The following NRP1 variants were observed in gnomAD, a reference collection of about 807,000 sequenced individuals.
The protein encoded by NRP1 is neuropilin-1.
In NRP1, 35 loss-of-function variants were observed where a neutral mutation model predicts 106.7. That is an observed-to-expected ratio of 0.33 (90% CI 0.25 to 0.43). NRP1 has a LOEUF of 0.43. NRP1 is among the 20% of genes least tolerant of loss of function. The pLI, the probability that NRP1 is intolerant of heterozygous loss-of-function variation, is 1.00. For synonymous variants in NRP1, 437 were observed against 417.9 expected, an observed-to-expected ratio of 1.05 and a Z score of -0.56; for missense variants, 1,024 against 1,170.4, an observed-to-expected ratio of 0.87 and a Z score of 1.83.
chr10:33,274,415 C>T (rs1417088009), intron 2 of NRP1, among the ~76,000 whole-genome samples: 1 of 152,128 alleles, frequency 6.6e-6, no homozygotes, highest in Non-Finnish European at 1.5e-5. Flanking sequence ...AAGAGCATTA[C>T]CTAGAGATTA....
chr10:33,254,435 A>C (rs1362012861), intron 5 of NRP1, among the ~76,000 whole-genome samples: 1 of 152,210 alleles, frequency 6.6e-6, no homozygotes, highest in African/African-American at 2.4e-5. Context: ...CAAAAAGACT[A>C]TTTGAAATTT....
intron 8 of NRP1, among the ~76,000 whole-genome samples, chr10:33,219,877 C>T (rs1054334963): frequency 2.6e-5 from 4 of 152,106 alleles, no homozygotes; most frequent in African/African-American, 4.8e-5. Context: ...TCCACCCAAA[C>T]CTCAAATGGC....
intron 9 of NRP1, among the ~76,000 whole-genome samples, chr10:33,210,479 A>G (rs758798321): frequency 3.3e-5 from 5 of 152,252 alleles, no homozygotes; most frequent in Non-Finnish European, 5.9e-5. Flanking sequence ...TAAATACATT[A>G]TAAAAGCTGT....
At chr10:33,270,435 T>G (rs1182420242) in intron 3 of NRP1, among the ~76,000 whole-genome samples, 1 of 152,002 alleles carries the variant, frequency 6.6e-6, no homozygotes, top group Non-Finnish European at 1.5e-5. Flanking sequence ...CAAGTGATTC[T>G]CCCGCCTTAG....
At chr10:33,329,394 A>G (rs1158931271) in intron 2 of NRP1, among the ~76,000 whole-genome samples, 1 of 152,184 alleles carries the variant, frequency 6.6e-6, no homozygotes, top group Non-Finnish European at 1.5e-5. Context: ...AAATGACCTC[A>G]TCTCTCTGAC....
chr10:33,322,363 TTTTA>T (rs568788050), intron 2 of NRP1, among the ~76,000 whole-genome samples: 2 of 152,074 alleles, frequency 1.3e-5, no homozygotes, highest in African/African-American at 4.8e-5. Flanking sequence ...TAAGGCAAGT[TTTTA>T]TTTATTTATT....
chr10:33,289,285 C>T (rs1358712018), intron 2 of NRP1, among the ~76,000 whole-genome samples: 2 of 152,138 alleles, frequency 1.3e-5, no homozygotes, highest in South Asian at 4.1e-4. Flanking sequence ...ATGACAACAA[C>T]ATCTCTTCAG....
chr10:33,203,809 C>T lies in NRP1; in HGVS notation c.1760-814G>A, dbSNP rs1386470417. Among the ~76,000 whole-genome samples, 78 of 122,414 alleles carry T rather than the reference C, an allele frequency of 6.4e-4. 13 individuals carry two copies. In the Admixed American group the frequency reaches 6.8e-3, roughly 11 times the overall value. 80.3% of individuals were successfully genotyped at this position (122,414 alleles called of 152,430 possible). On this transcript the variant is annotated intron_variant, in intron 10 of 16. Coordinates refer to ENST00000374867, the MANE Select transcript of NRP1 (RefSeq NM_003873.7). ...ACTGCGGACTGCAGTGGCGCAATCT[C>T]GGCTCACTGCAAGCTCTGCTTCCCG...
At chr10:33,242,182 T>C (rs1841076945) in intron 6 of NRP1, among the ~76,000 whole-genome samples, 2 of 152,296 alleles carry the variant, frequency 1.3e-5, no homozygotes, top group East Asian at 1.9e-4. Context: ...ATGAAGGTCA[T>C]GTAAGATGCT....
At chr10:33,248,701 C>T (rs1841609250) in intron 6 of NRP1, among the ~76,000 whole-genome samples, 1 of 152,008 alleles carries the variant, frequency 6.6e-6, no homozygotes. Context: ...TTAATATCTG[C>T]ACTAGAAAAT....
chr10:33,249,154 A>T (rs1841662145), intron 6 of NRP1, among the ~76,000 whole-genome samples: 1 of 134,120 alleles, frequency 7.5e-6, no homozygotes. Flanking sequence ...TATTTTGAGG[A>T]AAGCACTCCC....
chr10:33,207,919 TA>T (rs1837935160), intron 9 of NRP1, among the ~76,000 whole-genome samples: 1 of 152,126 alleles, frequency 6.6e-6, no homozygotes, highest in Non-Finnish European at 1.5e-5. Flanking sequence ...GGCATTTATT[TA>T]TTTATTCATT....
intron 7 of NRP1, among the ~76,000 whole-genome samples, chr10:33,225,433 G>T (rs930086664): frequency 6.6e-6 from 1 of 152,152 alleles, no homozygotes; most frequent in African/African-American, 2.4e-5. Context: ...TTAATTTCTG[G>T]GAGATGGTGA....
intron 13 of NRP1, among the ~76,000 whole-genome samples, chr10:33,189,304 T>C (rs1248485111): frequency 6.6e-6 from 1 of 152,150 alleles, no homozygotes; most frequent in Non-Finnish European, 1.5e-5. Context: ...TCTAACTGCT[T>C]CCCATACAAA....
At chr10:33,278,927 A>G (rs1156385221) in intron 2 of NRP1, among the ~76,000 whole-genome samples, 1 of 152,334 alleles carries the variant, frequency 6.6e-6, no homozygotes, top group Non-Finnish European at 1.5e-5. Context: ...GAGAGTTTAT[A>G]GTCCCAGGAA....
chr10:33,275,166 G>C (rs1368199288), intron 2 of NRP1, among the ~76,000 whole-genome samples: 1 of 152,164 alleles, frequency 6.6e-6, no homozygotes, highest in African/African-American at 2.4e-5. Context: ...TTCTAATCAT[G>C]ATGTATGAAA....
chr10:33,185,515 G>A (rs1339063835), intron 15 of NRP1, 113 bp downstream of exon 15: 7 of 750,120 alleles, frequency 9.3e-6, no homozygotes, highest in Middle Eastern at 2.5e-4. Flanking sequence ...ATGATGTGCC[G>A]AGAGGCCACA....
intron 15 of NRP1, 94 bp downstream of exon 15, chr10:33,185,534 C>A: frequency 1.1e-6 from 1 of 930,056 alleles, no homozygotes; most frequent in South Asian, 1.5e-5. Context: ...CACCGAAATT[C>A]TAGGTAGAAA....
chr10:33,207,406 T>C (rs61760420), intron 10 of NRP1, among the ~76,000 whole-genome samples, 166 bp downstream of exon 10: 105 of 152,092 alleles, frequency 6.9e-4, no homozygotes, highest in African/African-American at 2.3e-3. Context: ...GGTGCTGCCT[T>C]GTGACCTGTG....
Sources: allele counts gnomAD v4.1 joint callset (sites outside exome capture counted in the v4.1 genomes callset), GRCh38; gene constraint gnomAD v4.1.1; transcripts MANE v1.5; gene names NCBI Gene and HGNC (gene_info 2026-07-23, HGNC 2026-07-21).